Variants in ZNF333 observed in about 807,000 individuals in gnomAD.
The protein encoded by ZNF333 is zinc finger protein 333.
In ZNF333, 61 loss-of-function variants were observed where a neutral mutation model predicts 76.1. The ratio of observed to expected loss-of-function variants is 0.80; its 90% CI spans 0.65 to 0.99. The LOEUF (loss-of-function observed/expected upper bound fraction) is 0.99. Among genes scored for constraint, ZNF333 ranks in the 50% least tolerant of loss-of-function variants. The probability of loss-of-function intolerance (pLI) is 0.00; values close to 1 mark genes in which losing one functional copy is unlikely to be tolerated. For synonymous variants in ZNF333, 284 were observed against 305.0 expected (o/e 0.93, Z 0.72); for missense variants, 717 against 822.4 (o/e 0.87, Z 1.57).
In ZNF333 at chr19:14,715,337, A is replaced by C; in HGVS notation, c.512-45A>C. 4 of 1,583,478 alleles carry C rather than the reference A, an allele frequency of 2.5e-6. No individual in the cohort carries two copies. The South Asian group carries it at 4.4e-5, about 18-fold the overall frequency. On this transcript the variant is annotated intron_variant, in intron 7 of 11. Coordinates refer to ENST00000292530, the MANE Select transcript of ZNF333 (RefSeq NM_032433.4). ...AGACTTGGGGCCTGTGAGTGTGCCC[A>C]GTAGGCCAGGCACCAACCCTCATGC...
rs2042578422 is a variant in ZNF333, at chr19:14,721,277, GTTCTT to G, written c.*1955_*1959del. ...AGGGGACTAGTCTCCATTTTTACTT[GTTCTT>G]TTTTTTTTTTTTTTTTTTTTTTTGG... is the stretch of plus-strand genomic sequence containing the variant. On this transcript the variant is annotated 3_prime_UTR_variant, in exon 12 of 12. Coordinates refer to ENST00000292530, the MANE Select transcript of ZNF333 (RefSeq NM_032433.4). 1 of 46,660 alleles carries G rather than the reference GTTCTT, an allele frequency of 2.1e-5. No individual in the cohort carries two copies. Among genetic ancestry groups the G allele is most frequent in the African/African-American group, 7.1e-5 (1 of 14,126 alleles). 2.9% of individuals were successfully genotyped at this position (46,660 alleles called of 1,614,324 possible). A position where few individuals can be genotyped will look rare whatever the true frequency, so the allele number is the denominator to read the frequency against.
intron 4 of ZNF333, among the ~76,000 whole-genome samples, chr19:14,696,972 C>T (rs888803275): frequency 1.3e-5 from 2 of 152,080 alleles, no homozygotes; most frequent in Admixed American, 1.3e-4. Context: ...CTCCTCATCT[C>T]GTGGTCCACC....
intron 7 of ZNF333, chr19:14,708,275 T>G (rs2042175129): frequency 2.5e-6 from 1 of 399,998 alleles, no homozygotes; most frequent in Non-Finnish European, 4.4e-6. Flanking sequence ...CCCAAAGTGC[T>G]GGGACCACAG....
At chr19:14,695,543 C>T (rs976287702) in intron 3 of ZNF333, 23 bp from the exon 4 acceptor site, 15 of 1,610,302 alleles carry the variant, frequency 9.3e-6, no homozygotes, top group Middle Eastern at 1.7e-4. Context: ...TCTCTCAGTG[C>T]CTGTGTCTTT....
At chr19:14,693,547 A>G (rs890940245) in intron 2 of ZNF333, 53 bp downstream of exon 2, 22 of 1,582,066 alleles carry the variant, frequency 1.4e-5, no homozygotes, top group East Asian at 6.8e-5. Flanking sequence ...TAGGATAACT[A>G]TGTCCTCTGG....
chr19:14,713,236 A>AT (rs2042329250), intron 7 of ZNF333, among the ~76,000 whole-genome samples: 1 of 152,198 alleles, frequency 6.6e-6, no homozygotes, highest in African/African-American at 2.4e-5. Flanking sequence ...AGACATTCCC[A>AT]TTTCAAAAGG....
At chr19:14,710,856 G>A (rs762551060) in intron 7 of ZNF333, among the ~76,000 whole-genome samples, 2 of 152,114 alleles carry the variant, frequency 1.3e-5, no homozygotes, top group Non-Finnish European at 2.9e-5. Context: ...CAAGAAGCAC[G>A]GCACCAACAT....
intron 11 of ZNF333, among the ~76,000 whole-genome samples, chr19:14,727,856 C>T (rs886699706): frequency 8.5e-5 from 13 of 152,180 alleles, no homozygotes; most frequent in Non-Finnish European, 1.8e-4. Flanking sequence ...TACATGCATG[C>T]AGGTACACCT....
rs576837021 is a variant in ZNF333 at position 14,702,980 on chromosome 19, G to T, written c.307-2074G>T. Among the ~76,000 whole-genome samples the T allele has an allele frequency of 5.8e-4, 88 of 151,976 alleles. 1 individual carries two copies. Among genetic ancestry groups the T allele is most frequent in the African/African-American group, 2.0e-3 (83 of 41,456 alleles). On this transcript the variant is annotated intron_variant, in intron 5 of 11. Transcript: ENST00000292530. Reference sequence around the variant, plus strand: ...AGCACTTTGGGAGGCCGAGGCGGGCGGATCATGAGGTCAGGAGATCGAGAC... The same window carrying T: ...AGCACTTTGGGAGGCCGAGGCGGGCTGATCATGAGGTCAGGAGATCGAGAC...
chr19:14,720,305 G>A lies in ZNF333; in HGVS notation c.*980G>A. 4 of 985,416 alleles carry A rather than the reference G, an allele frequency of 4.1e-6. No individual in the cohort carries two copies. The highest frequency in any genetic ancestry group is 4.8e-6 in the Non-Finnish European group (4 of 829,932). The allele number at this position is 985,416 out of a possible 1,614,324, so 61.0% of individuals were successfully genotyped here. ...AGAAGTCACTGGATGTGACTCTGGG[G>A]AAGATATTGTGTTCAGGGATGGTTT... On this transcript the variant is annotated 3_prime_UTR_variant, in exon 12 of 12. Transcript: ENST00000292530.
intron 7 of ZNF333, chr19:14,708,032 G>A (rs1259270834): frequency 7.5e-6 from 3 of 397,786 alleles, no homozygotes; most frequent in African/African-American, 4.1e-5. Flanking sequence ...AATTGAGACA[G>A]CATCTCGCTC....
chr19:14,718,105 G>A, intron 11 of ZNF333, 123 bp from the exon 12 acceptor site: 1 of 1,318,738 alleles, frequency 7.6e-7, no homozygotes, highest in Non-Finnish European at 1.0e-6. Context: ...AAATGGTATG[G>A]ACTCCATAAA....
At chr19:14,709,703 C>T (rs771375987) in intron 7 of ZNF333, among the ~76,000 whole-genome samples, 5 of 152,216 alleles carry the variant, frequency 3.3e-5, no homozygotes, top group Admixed American at 6.5e-5. Context: ...AGAGCTCTCT[C>T]GCCCATGTGA....
At position 14,701,926 on chromosome 19, in the gene ZNF333, G is replaced by C. The variant is rs148663977; in HGVS notation, c.306+2645G>C. ...GGTTTGGAGCTAGGAGTTGAACCCAGACCTAACCGCAGAGACCACAGTCTC... is the reference window on the plus strand; with the variant it reads ...GGTTTGGAGCTAGGAGTTGAACCCACACCTAACCGCAGAGACCACAGTCTC... On this transcript the variant is annotated intron_variant, in intron 5 of 11. Transcript: ENST00000292530. 58 of 983,704 alleles carry C rather than the reference G, an allele frequency of 5.9e-5. 1 individual carries two copies. In the East Asian group the frequency reaches 5.1e-3, roughly 87 times the overall value. The allele number at this position is 983,704 out of a possible 1,614,324, so 60.9% of individuals were successfully genotyped here. A position where few individuals can be genotyped will look rare whatever the true frequency, so the allele number is the denominator to read the frequency against.
chr19:14,714,539 C>A (rs528133987), intron 7 of ZNF333, among the ~76,000 whole-genome samples: 3 of 152,054 alleles, frequency 2.0e-5, no homozygotes, highest in Non-Finnish European at 4.4e-5. Flanking sequence ...TCTAAAACTG[C>A]GAGAGGATAC....
chr19:14,720,844 G>A lies in ZNF333; in HGVS notation c.*1519G>A. ...TGTTAAACTCTCCCACCATGATTATGTATTGCTGAAAAATCTTTGTCATTC... is the reference window on the plus strand; with the variant it reads ...TGTTAAACTCTCCCACCATGATTATATATTGCTGAAAAATCTTTGTCATTC... On this transcript the variant is annotated 3_prime_UTR_variant, in exon 12 of 12. Coordinates refer to ENST00000292530, the MANE Select transcript of ZNF333 (RefSeq NM_032433.4). 1.0e-6 allele frequency: 1 copy of A among 969,238 alleles called. No individual in the cohort carries two copies. The highest frequency in any genetic ancestry group is 6.2e-5 in the Admixed American group (1 of 16,248). The allele number at this position is 969,238 out of a possible 1,614,324, so 60.0% of individuals were successfully genotyped here.
chr19:14,731,065 T>G (rs1486875459), intron 11 of ZNF333: 11 of 885,774 alleles, frequency 1.2e-5, no homozygotes, highest in Non-Finnish European at 2.0e-5. Flanking sequence ...CATGCTGCCC[T>G]GGTCTCAAGC....
At chr19:14,708,513 A>G in intron 7 of ZNF333, 1 of 394,952 alleles carries the variant, frequency 2.5e-6, no homozygotes, top group Non-Finnish European at 4.5e-6. Context: ...GAGTTCTGGG[A>G]AAGGATGGAT....
intron 11 of ZNF333, among the ~76,000 whole-genome samples, chr19:14,727,161 G>A (rs1430817552): frequency 6.6e-6 from 1 of 151,318 alleles, no homozygotes; most frequent in Non-Finnish European, 1.5e-5. Flanking sequence ...CTGAGCAGCT[G>A]GGACTACAGG....
Sources: allele counts gnomAD v4.1 joint callset (sites outside exome capture counted in the v4.1 genomes callset), GRCh38; gene constraint gnomAD v4.1.1; transcripts MANE v1.5; gene names NCBI Gene and HGNC (gene_info 2026-07-23, HGNC 2026-07-21).